NTNG1: variants seen among roughly 807,000 people sequenced by gnomAD.
NTNG1 encodes netrin-G1.
Under a neutral mutation model 54.0 loss-of-function variants are expected in NTNG1, and 16 were observed. The observed-to-expected ratio is 0.30, with a 90% CI of 0.20 to 0.45. The LOEUF is 0.45. NTNG1 is among the 20% of genes least tolerant of loss of function. The pLI is 1.00. For synonymous variants in NTNG1, 255 were observed against 263.1 expected (o/e 0.97, Z 0.30); for missense variants, 530 against 678.7 (o/e 0.78, Z 2.43).
At chr1:107,189,286 G>A (rs143410988) in intron 2 of NTNG1, among the ~76,000 whole-genome samples, 1,863 of 150,744 alleles carry the variant, frequency 0.012, 41 homozygotes, top group African/African-American at 0.043. Flanking sequence ...AGGAGGCAGA[G>A]GTTGCAGTGA....
At position 107,301,647 on chromosome 1, in the gene NTNG1, T is replaced by A. The variant is rs577307239; in HGVS notation, c.247-22635T>A. On this transcript the variant is annotated intron_variant, in intron 2 of 7. Coordinates refer to ENST00000370068, the MANE Select transcript of NTNG1 (RefSeq NM_001113226.3). Reference sequence around the variant, plus strand: ...CAAAAGTAGAAATAGATGTTCCAGTTTTTTCCTCAACTCCCATAATGGACT... The same window carrying A: ...CAAAAGTAGAAATAGATGTTCCAGTATTTTCCTCAACTCCCATAATGGACT... 1.2e-3 allele frequency among the ~76,000 whole-genome samples: 190 copies of A among 152,314 alleles called. 1 individual carries two copies. The highest frequency in any genetic ancestry group is 4.4e-3 in the African/African-American group (185 of 41,592).
intron 2 of NTNG1, among the ~76,000 whole-genome samples, chr1:107,222,062 C>T (rs934694363): frequency 4.6e-5 from 7 of 151,724 alleles, no homozygotes; most frequent in Non-Finnish European, 7.4e-5. Flanking sequence ...GTTGTGTCTG[C>T]TTTGAATCTC....
intron 2 of NTNG1, among the ~76,000 whole-genome samples, chr1:107,283,784 G>T (rs1665019190): frequency 6.6e-6 from 1 of 152,140 alleles, no homozygotes; most frequent in African/African-American, 2.4e-5. Flanking sequence ...AACAGATGGA[G>T]TTCAAGAACT....
At chr1:107,419,443 A>C (rs917465812) in intron 5 of NTNG1, among the ~76,000 whole-genome samples, 1 of 152,058 alleles carries the variant, frequency 6.6e-6, no homozygotes, top group Non-Finnish European at 1.5e-5. Context: ...AACAACACTG[A>C]TAGACAGAAA....
intron 1 of NTNG1, among the ~76,000 whole-genome samples, chr1:107,143,639 T>C (rs1653902262): frequency 6.6e-6 from 1 of 152,130 alleles, no homozygotes; most frequent in South Asian, 2.1e-4. Flanking sequence ...AGTATGAGAT[T>C]TAGCATACTT....
At chr1:107,167,194 CAGTGTT>C (rs1380584300) in intron 2 of NTNG1, among the ~76,000 whole-genome samples, 10 of 151,904 alleles carry the variant, frequency 6.6e-5, no homozygotes, top group Non-Finnish European at 1.2e-4. Context: ...ATTTGCCCCT[CAGTGTT>C]ACAGAACAGA....
intron 2 of NTNG1, among the ~76,000 whole-genome samples, chr1:107,190,599 C>T (rs182802986): frequency 6.6e-6 from 1 of 152,036 alleles, no homozygotes; most frequent in Non-Finnish European, 1.5e-5. Context: ...ATAACAGGCC[C>T]CGGTGTGTGA....
At chr1:107,329,050 T>A (rs572025839) in intron 3 of NTNG1, 1 of 152,308 alleles carries the variant, frequency 6.6e-6, no homozygotes, top group African/African-American at 2.4e-5. Context: ...ACATTTCTTA[T>A]CCCTTGCAGT....
At chr1:107,183,075 C>A (rs1014906034) in intron 2 of NTNG1, among the ~76,000 whole-genome samples, 2 of 152,074 alleles carry the variant, frequency 1.3e-5, no homozygotes, top group Admixed American at 6.6e-5. Flanking sequence ...AAGACTGAAC[C>A]GATTCTTTTG....
At chr1:107,208,934 A>T (rs6684002) in intron 2 of NTNG1, among the ~76,000 whole-genome samples, 14,535 of 151,992 alleles carry the variant, frequency 0.096, 1,169 homozygotes, top group African/African-American at 0.22. Flanking sequence ...TTGTGAGATT[A>T]CTTGTCTCGT....
At chr1:107,190,337 A>G (rs1657806253) in intron 2 of NTNG1, among the ~76,000 whole-genome samples, 1 of 152,176 alleles carries the variant, frequency 6.6e-6, no homozygotes, top group South Asian at 2.1e-4. Flanking sequence ...TTTTACCACA[A>G]TTAAAAACAA....
rs142645920 is a variant in NTNG1, at chr1:107,264,809, C to A, written c.247-59473C>A. Among the ~76,000 whole-genome samples, 512 of 152,292 alleles carry A rather than the reference C, an allele frequency of 3.4e-3. 3 individuals are homozygous for A. The highest frequency in any genetic ancestry group is 0.017 in the South Asian group (80 of 4,832). ...AGAAGCTGAGTCCACCCTTCAGTCA[C>A]TCTGTACAGCTGTCCTTGGAAATTC... On this transcript the variant is annotated intron_variant, in intron 2 of 7. Transcript: ENST00000370068.
At chr1:107,396,870 A>G (rs563184269) in intron 4 of NTNG1, among the ~76,000 whole-genome samples, 17 of 152,252 alleles carry the variant, frequency 1.1e-4, no homozygotes, top group African/African-American at 3.9e-4. Flanking sequence ...ACCACTGGAG[A>G]GGCAGCAGGG....
chr1:107,207,075 T>A (rs1397778747), intron 2 of NTNG1, among the ~76,000 whole-genome samples: 3 of 152,188 alleles, frequency 2.0e-5, no homozygotes, highest in Non-Finnish European at 2.9e-5. Context: ...GTGTGAAGTG[T>A]GTTTCGGAGA....
chr1:107,375,705 C>T (rs1183066516), intron 3 of NTNG1, among the ~76,000 whole-genome samples: 1 of 152,220 alleles, frequency 6.6e-6, no homozygotes, highest in Non-Finnish European at 1.5e-5. Flanking sequence ...AGTGCCTCCA[C>T]CTTCAGGTCA....
intron 5 of NTNG1, among the ~76,000 whole-genome samples, chr1:107,412,101 CTT>C (rs11369988): frequency 6.7e-6 from 1 of 148,568 alleles, no homozygotes; most frequent in Non-Finnish European, 1.5e-5. Flanking sequence ...TGTCAAGCCA[CTT>C]TTTTTTTTTA....
At chr1:107,397,387 T>C (rs1240947273) in intron 4 of NTNG1, among the ~76,000 whole-genome samples, 1 of 152,174 alleles carries the variant, frequency 6.6e-6, no homozygotes, top group African/African-American at 2.4e-5. Context: ...CTCTGACACA[T>C]CAGACTCTGC....
chr1:107,347,460 A>G (rs1167045056), intron 3 of NTNG1, among the ~76,000 whole-genome samples: 1 of 152,180 alleles, frequency 6.6e-6, no homozygotes, highest in Non-Finnish European at 1.5e-5. Context: ...GGCCGCAGTG[A>G]GCCGAGATTG....
At chr1:107,441,817 C>T (rs1450570925) in intron 7 of NTNG1, among the ~76,000 whole-genome samples, 3 of 151,856 alleles carry the variant, frequency 2.0e-5, no homozygotes, top group Non-Finnish European at 4.4e-5. Context: ...GAATGCAACT[C>T]ATGCTGGGGA....
Sources: allele counts gnomAD v4.1 joint callset (sites outside exome capture counted in the v4.1 genomes callset), GRCh38; gene constraint gnomAD v4.1.1; transcripts MANE v1.5; gene names NCBI Gene and HGNC (gene_info 2026-07-23, HGNC 2026-07-21).